VTI1B: variants seen among roughly 807,000 people sequenced by gnomAD.
The protein encoded by VTI1B is vesicle transport through interaction with t-SNAREs homolog 1B.
VTI1B carries 18 observed loss-of-function variants against 28.6 expected under a neutral mutation model. The observed-to-expected ratio is 0.63, with a 90% CI of 0.43 to 0.93. The LOEUF (loss-of-function observed/expected upper bound fraction) is 0.93, where lower values mean the gene tolerates loss of function less well. Among genes scored for constraint, VTI1B ranks in the 40% least tolerant of loss-of-function variants. The probability of loss-of-function intolerance (pLI) is 0.00; values close to 1 mark genes in which losing one functional copy is unlikely to be tolerated. For missense variants in VTI1B, 283 were observed against 297.0 expected (o/e 0.95, Z 0.35); for synonymous variants, 100 against 107.9 (o/e 0.93, Z 0.46).
chr14:67,674,546 T>TAGCCCGGCGGTCAGCCGCCC lies in VTI1B; in HGVS notation c.-77_-58dup, dbSNP rs2140042670. The TAGCCCGGCGGTCAGCCGCCC allele has an allele frequency of 1.4e-6, 2 of 1,465,018 alleles. No individual in the cohort carries two copies. Among genetic ancestry groups the TAGCCCGGCGGTCAGCCGCCC allele is most frequent in the Non-Finnish European group, 9.1e-7 (1 of 1,100,706 alleles). The allele number at this position is 1,465,018 out of a possible 1,614,324, so 90.8% of individuals were successfully genotyped here. On this transcript the variant is annotated 5_prime_UTR_variant, in exon 1 of 6. Transcript: ENST00000554659. ...AGATTCGGGGCCCTGGGCCCTTTCC[T>TAGCCCGGCGGTCAGCCGCCC]AGCCCGGCGGTCAGCCGCCCAGCCC...
chr14:67,648,254 G>T lies in VTI1B; in HGVS notation c.*3131C>A. 3.3e-6 allele frequency: 5 copies of T among 1,502,982 alleles called. No homozygotes were observed. The highest frequency in any genetic ancestry group is 3.6e-6 in the Non-Finnish European group (4 of 1,111,004). 93.1% of individuals were successfully genotyped at this position (1,502,982 alleles called of 1,614,324 possible). A position where few individuals can be genotyped will look rare whatever the true frequency, so the allele number is the denominator to read the frequency against. On this transcript the variant is annotated 3_prime_UTR_variant, in exon 6 of 6. Coordinates refer to ENST00000554659, the MANE Select transcript of VTI1B (RefSeq NM_006370.3). ...ATGCTAGAGTCTCTTGCCTGCAAAG[G>T]ATCTTTTCTGCTATTCCACATCATT...
intron 2 of VTI1B, among the ~76,000 whole-genome samples, chr14:67,661,919 G>A (rs982634004): frequency 1.3e-5 from 2 of 152,060 alleles, no homozygotes; most frequent in African/African-American, 2.4e-5. Context: ...TACTTTGGGA[G>A]GCCGAGGCGG....
chr14:67,654,060 G>A (rs1436508520), intron 4 of VTI1B, among the ~76,000 whole-genome samples: 1 of 152,142 alleles, frequency 6.6e-6, no homozygotes, highest in South Asian at 2.1e-4. Context: ...CTTGCCATCT[G>A]TTCCCATTCC....
intron 1 of VTI1B, 104 bp downstream of exon 1, chr14:67,674,271 G>A: frequency 1.2e-5 from 13 of 1,096,398 alleles, no homozygotes; most frequent in South Asian, 1.7e-5. Flanking sequence ...CTGAGGACGC[G>A]GAGGGAGGAG....
intron 1 of VTI1B, among the ~76,000 whole-genome samples, chr14:67,672,013 A>C (rs2037470408): frequency 6.6e-6 from 1 of 152,246 alleles, no homozygotes; most frequent in Admixed American, 6.5e-5. Context: ...CCATAGTAAT[A>C]ATGAATTCAA....
chr14:67,665,099 C>A (rs2037384138), intron 1 of VTI1B, among the ~76,000 whole-genome samples: 1 of 152,160 alleles, frequency 6.6e-6, no homozygotes. Context: ...GTGGTCCACC[C>A]ATCTCGGCCT....
Position 67,650,967 on chromosome 14 carries a change from T to G in VTI1B, c.*418A>C. 6.4e-7 allele frequency: 1 copy of G among 1,551,618 alleles called. No individual in the cohort carries two copies. Among genetic ancestry groups the G allele is most frequent in the South Asian group, 1.1e-5 (1 of 88,898 alleles). On this transcript the variant is annotated 3_prime_UTR_variant, in exon 6 of 6. Transcript: ENST00000554659. ...TTTCACAACAGGCATTCCAGAATTA[T>G]GAGGCATTGAGGGGATAGATGAATA...
intron 3 of VTI1B, among the ~76,000 whole-genome samples, chr14:67,659,012 G>A (rs976245798): frequency 1.1e-4 from 16 of 152,206 alleles, no homozygotes; most frequent in Admixed American, 5.9e-4. Context: ...TTTGTGTTGT[G>A]TTTGTGGAAG....
At chr14:67,655,092 C>T (rs1276599632) in intron 4 of VTI1B, among the ~76,000 whole-genome samples, 4 of 146,696 alleles carry the variant, frequency 2.7e-5, no homozygotes, top group Admixed American at 1.4e-4. Flanking sequence ...GTAATCCTAG[C>T]GCTTTGGGAG....
chr14:67,663,674 AAAAT>A (rs933474060), intron 1 of VTI1B, among the ~76,000 whole-genome samples: 2 of 152,304 alleles, frequency 1.3e-5, no homozygotes, highest in African/African-American at 2.4e-5. Flanking sequence ...ACTCCATTTC[AAAAT>A]AAATAAATAA....
At chr14:67,664,888 A>G (rs1198449657) in intron 1 of VTI1B, among the ~76,000 whole-genome samples, 1 of 151,730 alleles carries the variant, frequency 6.6e-6, no homozygotes, top group Non-Finnish European at 1.5e-5. Flanking sequence ...TTTTTTTGAG[A>G]CTGTGTCTCA....
chr14:67,661,360 A>T (rs1172863005), intron 2 of VTI1B, among the ~76,000 whole-genome samples: 1 of 151,236 alleles, frequency 6.6e-6, no homozygotes, highest in East Asian at 1.9e-4. Flanking sequence ...CTGTTCAGTA[A>T]ACGGAACCAA....
intron 3 of VTI1B, among the ~76,000 whole-genome samples, chr14:67,659,530 T>A (rs148566855): frequency 6.6e-6 from 1 of 151,544 alleles, no homozygotes; most frequent in Non-Finnish European, 1.5e-5. Flanking sequence ...TAAATATGCA[T>A]ATAGTTCGAA....
At chr14:67,656,360 G>A in intron 4 of VTI1B, 56 bp downstream of exon 4, 1 of 1,463,168 alleles carries the variant, frequency 6.8e-7, no homozygotes, top group Non-Finnish European at 9.1e-7. Flanking sequence ...GTTTCCAGGT[G>A]CAGTGGCCCC....
Position 67,650,447 on chromosome 14 carries a change from C to CAATT in VTI1B, c.*934_*937dup, listed in dbSNP as rs1198900625. 1.8e-5 allele frequency: 8 copies of CAATT among 448,002 alleles called. No individual in the cohort carries two copies. Among genetic ancestry groups the CAATT allele is most frequent in the Non-Finnish European group, 3.2e-5 (8 of 248,454 alleles). 27.8% of individuals were successfully genotyped at this position (448,002 alleles called of 1,614,324 possible). On this transcript the variant is annotated 3_prime_UTR_variant, in exon 6 of 6. Transcript: ENST00000554659. ...CCTTTTCCTTTTCCAGAACGCCTGA[C>CAATT]AATTATGCCTGTTATGTTAGTTGAA...
intron 1 of VTI1B, among the ~76,000 whole-genome samples, chr14:67,669,241 T>C (rs1395748257): frequency 6.6e-6 from 1 of 151,894 alleles, no homozygotes; most frequent in Non-Finnish European, 1.5e-5. Flanking sequence ...TTATACTATA[T>C]GGCCTCTCAA....
intron 1 of VTI1B, among the ~76,000 whole-genome samples, chr14:67,667,328 C>T (rs1362427855): frequency 1.3e-5 from 2 of 152,128 alleles, no homozygotes; most frequent in Non-Finnish European, 2.9e-5. Flanking sequence ...GGTTACTTTG[C>T]TTTTGGTGCC....
chr14:67,652,085 G>GTGGGT (rs370729149), intron 5 of VTI1B, among the ~76,000 whole-genome samples: 2,563 of 152,306 alleles, frequency 0.017, 34 homozygotes, highest in Non-Finnish European at 0.02. Context: ...AGTTCCATGA[G>GTGGGT]TGGGTTGTAG....
Position 67,651,012 on chromosome 14 carries a change from A to G in VTI1B, c.*373T>C. 1 of 1,291,490 alleles carries G rather than the reference A, an allele frequency of 7.7e-7. No individual in the cohort carries two copies. Among genetic ancestry groups the G allele is most frequent in the Non-Finnish European group, 1.1e-6 (1 of 915,240 alleles). The allele number at this position is 1,291,490 out of a possible 1,614,324, so 80.0% of individuals were successfully genotyped here. ...TGAATACTAAATGGTTGTCTGGGTCAATACTGCCTTAATGAGAACATTTAC... is the reference window on the plus strand; with the variant it reads ...TGAATACTAAATGGTTGTCTGGGTCGATACTGCCTTAATGAGAACATTTAC... On this transcript the variant is annotated 3_prime_UTR_variant, in exon 6 of 6. Coordinates refer to ENST00000554659, the MANE Select transcript of VTI1B (RefSeq NM_006370.3).
Sources: allele counts gnomAD v4.1 joint callset (sites outside exome capture counted in the v4.1 genomes callset), GRCh38; gene constraint gnomAD v4.1.1; transcripts MANE v1.5; gene names NCBI Gene and HGNC (gene_info 2026-07-23, HGNC 2026-07-21).